Variants in LIMA1 observed in about 807,000 individuals in gnomAD.
The protein encoded by LIMA1 is LIM domain and actin binding 1, also known as LIM domain and actin-binding protein 1.
LIMA1 carries 52 observed loss-of-function variants against 62.6 expected under a neutral mutation model. The observed-to-expected ratio is 0.83, with a 90% CI of 0.67 to 1.05. LIMA1 has a LOEUF of 1.05. Among genes scored for constraint, LIMA1 ranks in the 50% least tolerant of loss-of-function variants. The probability of loss-of-function intolerance (pLI) is 0.00; values close to 1 mark genes in which losing one functional copy is unlikely to be tolerated. For synonymous variants in LIMA1, 302 were observed against 317.8 expected (o/e 0.95, Z 0.53); for missense variants, 780 against 902.2 (o/e 0.86, Z 1.74).
intron 1 of LIMA1, among the ~76,000 whole-genome samples, chr12:50,279,100 G>A (rs1942308682): frequency 1.3e-5 from 2 of 150,944 alleles, no homozygotes; most frequent in Admixed American, 1.3e-4. Context: ...CTGCCTCCTG[G>A]GTTCAAGGGA....
intron 1 of LIMA1, among the ~76,000 whole-genome samples, chr12:50,257,580 T>A (rs1215669702): frequency 6.6e-6 from 1 of 152,196 alleles, no homozygotes; most frequent in Non-Finnish European, 1.5e-5. Context: ...AATCGTTACC[T>A]CCTCCTCCCT....
chr12:50,215,836 G>C (rs922010403), intron 4 of LIMA1, among the ~76,000 whole-genome samples: 1 of 152,088 alleles, frequency 6.6e-6, no homozygotes, highest in Non-Finnish European at 1.5e-5. Flanking sequence ...GATCACTTGA[G>C]GCTGGGAGTT....
intron 3 of LIMA1, among the ~76,000 whole-genome samples, chr12:50,223,153 T>C (rs1453612089): frequency 3.3e-5 from 5 of 152,264 alleles, no homozygotes; most frequent in South Asian, 4.1e-4. Context: ...CTTTTTTTTT[T>C]CCCTGCTCTT....
At chr12:50,224,892 T>G (rs1941502733) in intron 3 of LIMA1, among the ~76,000 whole-genome samples, 1 of 148,532 alleles carries the variant, frequency 6.7e-6, no homozygotes, top group Non-Finnish European at 1.5e-5. Flanking sequence ...TCAGCATGCC[T>G]GGCATTTTTT....
intron 1 of LIMA1, among the ~76,000 whole-genome samples, chr12:50,277,878 T>A (rs1318338995): frequency 6.6e-6 from 1 of 152,216 alleles, no homozygotes; most frequent in Non-Finnish European, 1.5e-5. Context: ...AACCCAGACA[T>A]AATTCACAGA....
chr12:50,177,997 C>T lies in LIMA1; in HGVS notation c.1347G>A (p.Lys449=), dbSNP rs778895149. The T allele has an allele frequency of 5.6e-6, 9 of 1,598,376 alleles. No homozygotes were observed. In the African/African-American group the frequency reaches 8.1e-5, roughly 14 times the overall value. The change falls in exon 11 of 11, where the codon AAG becomes AAA. Residue 449 remains lysine (K), a synonymous_variant. Coordinates refer to ENST00000341247, the MANE Select transcript of LIMA1 (RefSeq NM_016357.5). ...KPHFNQLFKS[K]GNYDEGFGHR... ...GCCCAAAGCCTTCATCATAGTTGCCCTTAGATTTAAAGAGTTGATTGAAGT... is the reference window on the plus strand; with the variant it reads ...GCCCAAAGCCTTCATCATAGTTGCCTTTAGATTTAAAGAGTTGATTGAAGT...
At chr12:50,206,161 C>T (rs1457355568) in intron 4 of LIMA1, 93 bp from the exon 5 acceptor site, 14 of 913,776 alleles carry the variant, frequency 1.5e-5, no homozygotes, top group Non-Finnish European at 2.3e-5. Flanking sequence ...AAATAAAATC[C>T]AGATTTGATT....
chr12:50,209,826 TA>T (rs897393614), intron 4 of LIMA1, among the ~76,000 whole-genome samples: 1 of 152,074 alleles, frequency 6.6e-6, no homozygotes, highest in Admixed American at 6.6e-5. Flanking sequence ...CTACCACACC[TA>T]ATTATTTGAG....
chr12:50,195,376 C>G (rs758850167), intron 8 of LIMA1, among the ~76,000 whole-genome samples: 7 of 151,914 alleles, frequency 4.6e-5, no homozygotes, highest in Admixed American at 3.3e-4. Context: ...TAGAACCTGG[C>G]TAGGAGGTTG....
chr12:50,253,230 T>A (rs1006479990), intron 1 of LIMA1, among the ~76,000 whole-genome samples: 1 of 152,170 alleles, frequency 6.6e-6, no homozygotes, highest in African/African-American at 2.4e-5. Context: ...TGATATACAA[T>A]AGGAAACTAC....
intron 3 of LIMA1, among the ~76,000 whole-genome samples, chr12:50,223,816 T>C (rs1439769637): frequency 2.0e-5 from 3 of 152,114 alleles, no homozygotes; most frequent in Admixed American, 2.0e-4. Context: ...GGCGGGTGGA[T>C]CACCTGAGGT....
At chr12:50,239,786 G>A (rs888789758) in intron 2 of LIMA1, among the ~76,000 whole-genome samples, 2 of 152,146 alleles carry the variant, frequency 1.3e-5, no homozygotes, top group East Asian at 1.9e-4. Context: ...ACTTGAGCCC[G>A]GGAGTTTGAG....
chr12:50,217,067 T>C (rs1941356714), intron 4 of LIMA1, among the ~76,000 whole-genome samples: 3 of 151,930 alleles, frequency 2.0e-5, no homozygotes, highest in Non-Finnish European at 4.4e-5. Flanking sequence ...ACCACTAGGG[T>C]ATAAAAACAT....
At chr12:50,209,100 G>A (rs76449867) in intron 4 of LIMA1, among the ~76,000 whole-genome samples, 1 of 150,628 alleles carries the variant, frequency 6.6e-6, no homozygotes, top group Non-Finnish European at 1.5e-5. Flanking sequence ...TGGGATTACA[G>A]GTGTGGGCCA....
intron 4 of LIMA1, among the ~76,000 whole-genome samples, chr12:50,216,903 C>A (rs1371417017): frequency 6.6e-6 from 1 of 151,972 alleles, no homozygotes; most frequent in African/African-American, 2.4e-5. Context: ...GCTAAACCAC[C>A]TGACCTAAAT....
chr12:50,256,878 G>C (rs1942003586), intron 1 of LIMA1, among the ~76,000 whole-genome samples: 1 of 152,172 alleles, frequency 6.6e-6, no homozygotes, highest in African/African-American at 2.4e-5. Context: ...TGTTTGAAAG[G>C]AATAATCCAG....
chr12:50,269,457 T>C lies in LIMA1; in HGVS notation c.-24+13963A>G, dbSNP rs1049600189. Among the ~76,000 whole-genome samples, 4 of 152,100 alleles carry C rather than the reference T, an allele frequency of 2.6e-5. No homozygotes were observed. The East Asian group carries it at 7.7e-4, about 29-fold the overall frequency. ...AAGCAGTTCTAGCGTACATGATATT[T>C]CAGGGTCAGCTTATTTCTGTTAAAT... On this transcript the variant is annotated intron_variant, in intron 1 of 10. Transcript: ENST00000341247.
intron 1 of LIMA1, among the ~76,000 whole-genome samples, chr12:50,250,065 G>T (rs920575937): frequency 3.9e-5 from 6 of 152,042 alleles, no homozygotes; most frequent in Admixed American, 1.3e-4. Flanking sequence ...GCCGAGGTGG[G>T]TGGATCACTT....
In LIMA1 at chr12:50,213,320, T is replaced by C. The variant is rs963633316; in HGVS notation, c.631-7252A>G. 3.3e-5 allele frequency among the ~76,000 whole-genome samples: 5 copies of C among 152,244 alleles called. No individual in the cohort carries two copies. The East Asian group carries it at 9.6e-4, about 29-fold the overall frequency. ...TGCCAGTTTCCTTAGATTTCAAAGA[T>C]ATGTAGGGCCCATTGTTTCTATCCA... On this transcript the variant is annotated intron_variant, in intron 4 of 10. Transcript: ENST00000341247.
Sources: allele counts gnomAD v4.1 joint callset (sites outside exome capture counted in the v4.1 genomes callset), GRCh38; gene constraint gnomAD v4.1.1; transcripts MANE v1.5; gene names NCBI Gene and HGNC (gene_info 2026-07-23, HGNC 2026-07-21).